CCDC38: variants seen among roughly 807,000 people sequenced by gnomAD.
CCDC38 encodes coiled-coil domain-containing protein 38.
CCDC38 carries 69 observed loss-of-function variants against 72.8 expected under a neutral mutation model. The observed-to-expected ratio is 0.95, with a 90% CI of 0.78 to 1.16. The LOEUF is 1.16. CCDC38 is among the 50% of genes most tolerant of loss of function. The pLI is 0.00. For missense variants in CCDC38, 626 were observed against 638.9 expected, an observed-to-expected ratio of 0.98 and a Z score of 0.22; for synonymous variants, 201 against 213.2, an observed-to-expected ratio of 0.94 and a Z score of 0.50.
Position 95,867,122 on chromosome 12 carries a change from T to C in CCDC38, c.1646A>G (p.Asn549Ser), listed in dbSNP as rs1192340742. The change falls in exon 16 of 16, where the codon AAT (asparagine) becomes AGT (serine). Residue 549 changes from asparagine to serine, a missense_variant. Transcript: ENST00000344280. ...CTCTTGTGATTTTGTTTTTGTTTCA[T>C]TGACTAAAGGTAGCTGCTGTTTGTT... ...SGNKQQLPLV[N>S]ETKTKSQEEE... 4 of 1,609,564 alleles carry C rather than the reference T, an allele frequency of 2.5e-6. No homozygotes were observed. The Admixed American group carries it at 5.0e-5, about 20-fold the overall frequency.
chr12:95,883,010 C>T (rs74497994), intron 10 of CCDC38, among the ~76,000 whole-genome samples: 4,410 of 152,242 alleles, frequency 0.029, 191 homozygotes, highest in African/African-American at 0.099. Flanking sequence ...GAAATCTGGG[C>T]GTTATCTGTA....
chr12:95,929,318 A>T (rs1318528262), intron 2 of CCDC38, among the ~76,000 whole-genome samples: 11 of 151,982 alleles, frequency 7.2e-5, no homozygotes, highest in Admixed American at 7.2e-4. Flanking sequence ...GCCATCTGTC[A>T]CCCCTTTCTT....
At chr12:95,897,565 A>G (rs1349030502) in intron 7 of CCDC38, among the ~76,000 whole-genome samples, 2 of 147,316 alleles carry the variant, frequency 1.4e-5, no homozygotes, top group South Asian at 2.2e-4. Flanking sequence ...AGCCGAGATC[A>G]TGCCATTGCA....
At chr12:95,917,077 C>T (rs544623438) in intron 4 of CCDC38, 52 bp downstream of exon 4, 18 of 1,458,578 alleles carry the variant, frequency 1.2e-5, no homozygotes, top group Non-Finnish European at 1.6e-5. Context: ...CCAAACCTGA[C>T]ATTAATAGTA....
At chr12:95,884,847 C>T (rs2079739351) in intron 10 of CCDC38, among the ~76,000 whole-genome samples, 1 of 152,164 alleles carries the variant, frequency 6.6e-6, no homozygotes. Flanking sequence ...TTGATTAAGT[C>T]TGCAAAGGTG....
intron 13 of CCDC38, among the ~76,000 whole-genome samples, chr12:95,876,297 AG>A (rs1050688636): frequency 1.3e-4 from 20 of 152,178 alleles, no homozygotes; most frequent in African/African-American, 4.8e-4. Context: ...TAGGAGAGGG[AG>A]GGATGGAAAG....
chr12:95,940,598 G>A (rs80030610), intron 1 of CCDC38, among the ~76,000 whole-genome samples: 7,782 of 151,654 alleles, frequency 0.051, 668 homozygotes, highest in African/African-American at 0.18. Flanking sequence ...CCTCCTCTCC[G>A]CCTACCTTGG....
intron 10 of CCDC38, chr12:95,885,637 A>G (rs1022828165): frequency 2.6e-5 from 4 of 154,850 alleles, no homozygotes; most frequent in African/African-American, 9.6e-5. Context: ...CCCATCTGTG[A>G]TGCATTTTGG....
chr12:95,927,591 C>T (rs971952458), intron 2 of CCDC38, among the ~76,000 whole-genome samples: 3 of 152,088 alleles, frequency 2.0e-5, no homozygotes, highest in Non-Finnish European at 4.4e-5. Flanking sequence ...ATGATGTTAG[C>T]TGGTTATTTT....
At chr12:95,874,178 C>T (rs1177043278) in intron 13 of CCDC38, among the ~76,000 whole-genome samples, 1 of 152,042 alleles carries the variant, frequency 6.6e-6, no homozygotes, top group Non-Finnish European at 1.5e-5. Flanking sequence ...TTGTAAATTG[C>T]ATATGAAAAC....
At chr12:95,933,875 T>A (rs1210732919) in intron 2 of CCDC38, 1 of 152,182 alleles carries the variant, frequency 6.6e-6, no homozygotes, top group African/African-American at 2.4e-5. Context: ...ACAGTATGAA[T>A]GAATCTTAAA....
intron 4 of CCDC38, among the ~76,000 whole-genome samples, chr12:95,916,704 A>G (rs2080148516): frequency 6.6e-6 from 1 of 152,116 alleles, no homozygotes; most frequent in East Asian, 1.9e-4. Context: ...GGTATTTGCA[A>G]CATTAGGTAA....
chr12:95,909,338 A>G (rs1017164831), intron 4 of CCDC38, among the ~76,000 whole-genome samples: 3 of 152,212 alleles, frequency 2.0e-5, no homozygotes, highest in African/African-American at 7.2e-5. Context: ...CAATCTCCCA[A>G]GATTGAATCA....
At chr12:95,941,897 A>G (rs2080455484) in intron 1 of CCDC38, among the ~76,000 whole-genome samples, 1 of 113,326 alleles carries the variant, frequency 8.8e-6, no homozygotes, top group Admixed American at 1.3e-4. Flanking sequence ...CACATTGTCT[A>G]TATATTTTCC....
chr12:95,872,835 G>A (rs2079596430), intron 13 of CCDC38, among the ~76,000 whole-genome samples: 2 of 152,210 alleles, frequency 1.3e-5, no homozygotes, highest in Non-Finnish European at 2.9e-5. Flanking sequence ...TCGGCCACAG[G>A]CATCAGCCAC....
chr12:95,888,442 C>T lies in CCDC38; in HGVS notation c.920+16G>A, dbSNP rs931641831. 6.2e-7 allele frequency: 1 copy of T among 1,610,854 alleles called. No individual in the cohort carries two copies. Among genetic ancestry groups the T allele is most frequent in the Non-Finnish European group, 8.5e-7 (1 of 1,177,674 alleles). On this transcript the variant is annotated intron_variant, in intron 10 of 15. Transcript: ENST00000344280. The stretch of plus-strand genomic sequence containing the variant: ...ATTCCCAGTTTCCAAGGGAGTTAGT[C>T]AAGTATATACTGTACTTTGATTTCT...
intron 4 of CCDC38, among the ~76,000 whole-genome samples, chr12:95,907,976 G>A (rs1278397682): frequency 6.7e-6 from 1 of 149,364 alleles, no homozygotes; most frequent in Non-Finnish European, 1.5e-5. Context: ...CAGGCAGAGG[G>A]GCTCCTCACA....
chr12:95,881,096 A>G (rs1471935496), intron 11 of CCDC38, among the ~76,000 whole-genome samples: 2 of 152,074 alleles, frequency 1.3e-5, no homozygotes. Context: ...GGGTTAGCTC[A>G]AAGTCAATCT....
Position 95,882,420 on chromosome 12 carries a change from G to GAAGGAAAACAGCTTACAGATGGGAT in CCDC38, c.921-891_921-867dup, listed in dbSNP as rs1170488429. On this transcript the variant is annotated intron_variant, in intron 10 of 15. Coordinates refer to ENST00000344280, the MANE Select transcript of CCDC38 (RefSeq NM_182496.3). The stretch of plus-strand genomic sequence containing the variant: ...GGAAAAATGGAGGTAGCACTCACAG[G>GAAGGAAAACAGCTTACAGATGGGAT]AAGGAAAACAGCTTACAGATGGGAT... 8.5e-5 allele frequency among the ~76,000 whole-genome samples: 13 copies of GAAGGAAAACAGCTTACAGATGGGAT among 152,244 alleles called. No individual in the cohort carries two copies. In the East Asian group the frequency reaches 2.5e-3, roughly 29 times the overall value.
Sources: gnomAD v4.1 joint callset for allele counts (sites outside exome capture counted in the v4.1 genomes callset) on GRCh38, gnomAD v4.1.1 for gene constraint, MANE v1.5 for transcripts, NCBI Gene and HGNC (gene_info 2026-07-23, HGNC 2026-07-21) for gene names.